Variants in PCM1 observed in about 807,000 individuals in gnomAD.
The protein encoded by PCM1 is pericentriolar material 1.
PCM1 carries 157 observed loss-of-function variants against 241.9 expected under a neutral mutation model. The ratio of observed to expected loss-of-function variants is 0.65; its 90% CI spans 0.57 to 0.74. PCM1 has a LOEUF of 0.74. PCM1 is among the 30% of genes least tolerant of loss of function. PCM1 has a pLI of 0.00. For missense variants in PCM1, 3,478 were observed against 2,360.1 expected (o/e 1.47, Z -9.81); for synonymous variants, 1,085 against 784.9 (o/e 1.38, Z -6.39).
rs780311006 is a variant in PCM1, at chr8:17,939,804, A to G, written c.726A>G (p.Leu242=). Residue 242 remains leucine, a synonymous_variant, in exon 6 of 39, where the codon CTA becomes CTG. Coordinates refer to ENST00000325083, the MANE Select transcript of PCM1 (RefSeq NM_006197.4). The part of the protein sequence containing the change: ...RSANVERLTH[L]IDHLKEQEKS... Reference sequence around the variant, plus strand: ...CTAATGTTGAGCGCCTTACTCATCTAATAGATCACCTTAAAGAACAAGAGA... The same window carrying G: ...CTAATGTTGAGCGCCTTACTCATCTGATAGATCACCTTAAAGAACAAGAGA... 6 of 1,540,560 alleles carry G rather than the reference A, an allele frequency of 3.9e-6. No homozygotes were observed. The highest frequency in any genetic ancestry group is 4.7e-5 in the East Asian group (2 of 42,216).
intron 34 of PCM1, 156 bp from the exon 35 acceptor site, chr8:18,013,808 C>T: frequency 1.7e-6 from 1 of 573,432 alleles, no homozygotes; most frequent in Non-Finnish European, 3.1e-6. Flanking sequence ...CTTGAAATCA[C>T]AACCAAAGCC....
chr8:17,952,252 TAAA>T (rs869261114), intron 8 of PCM1, among the ~76,000 whole-genome samples: 1 of 128,348 alleles, frequency 7.8e-6, no homozygotes, highest in African/African-American at 2.7e-5. Flanking sequence ...AATAAATAAA[TAAA>T]AAATAAAGGA....
intron 26 of PCM1, among the ~76,000 whole-genome samples, chr8:17,988,155 A>G (rs2083245180): frequency 6.6e-6 from 1 of 151,812 alleles, no homozygotes; most frequent in African/African-American, 2.4e-5. Flanking sequence ...AAATGGTAAA[A>G]GCACATCTGT....
In PCM1 at chr8:17,950,651, G is replaced by C. The variant is rs780721662; in HGVS notation, c.998G>C (p.Ser333Thr). 9 of 1,605,858 alleles carry C rather than the reference G, an allele frequency of 5.6e-6. No individual in the cohort carries two copies. The highest frequency in any genetic ancestry group is 7.7e-6 in the Non-Finnish European group (9 of 1,175,204). ...ACTGCAGGTAGCTTATCTGGCGTCA[G>C]TATCACATCTGAACTAAATGAAGAA... ...AETAGSLSGV[S>T]ITSELNEELN... Residue 333 changes from serine (S) to threonine (T), a missense_variant, in exon 8 of 39, where the codon AGT becomes ACT. Coordinates refer to ENST00000325083, the MANE Select transcript of PCM1 (RefSeq NM_006197.4).
chr8:18,006,429 A>T (rs1222912244), intron 30 of PCM1, 32 bp downstream of exon 30: 1 of 1,519,510 alleles, frequency 6.6e-7, no homozygotes, highest in East Asian at 2.3e-5. Context: ...ATTTACCAAT[A>T]TGTACTGTGT....
At chr8:17,949,463 C>T (rs929449754) in intron 7 of PCM1, among the ~76,000 whole-genome samples, 2 of 151,474 alleles carry the variant, frequency 1.3e-5, no homozygotes, top group African/African-American at 2.4e-5. Context: ...TCCTTTAAAA[C>T]AGAAGCAATT....
At chr8:17,998,908 A>G (rs1307845264) in intron 29 of PCM1, among the ~76,000 whole-genome samples, 4 of 152,106 alleles carry the variant, frequency 2.6e-5, no homozygotes, top group Admixed American at 2.0e-4. Flanking sequence ...TCTGCTTTCC[A>G]TAAGCAAAGG....
intron 36 of PCM1, among the ~76,000 whole-genome samples, chr8:18,024,299 T>C (rs1044297455): frequency 2.0e-5 from 3 of 152,142 alleles, no homozygotes; most frequent in Non-Finnish European, 4.4e-5. Context: ...CCAGGAGTTC[T>C]AGACTATGGT....
intron 13 of PCM1, among the ~76,000 whole-genome samples, chr8:17,959,311 ATAAT>A (rs1161637828): frequency 8.3e-6 from 1 of 120,558 alleles, no homozygotes; most frequent in East Asian, 2.4e-4. Flanking sequence ...TAAAATATAA[ATAAT>A]ACTGCATATA....
chr8:17,968,055 C>CAA lies in PCM1; in HGVS notation c.3412+898_3412+899dup, dbSNP rs35339046. Among the ~76,000 whole-genome samples the CAA allele has an allele frequency of 6.4e-3, 718 of 111,988 alleles. 6 individuals are homozygous for CAA. Among genetic ancestry groups the CAA allele is most frequent in the South Asian group, 0.025 (84 of 3,412 alleles). The allele number at this position is 111,988 out of a possible 152,430, so 73.5% of individuals were successfully genotyped here. A position where few individuals can be genotyped will look rare whatever the true frequency, so the allele number is the denominator to read the frequency against. ...AGTGTCAGCAAATCAGTTCCGCCGC[C>CAA]AAAAAAAAAAAAAAGAGTTGATATT... On this transcript the variant is annotated intron_variant, in intron 21 of 38. Coordinates refer to ENST00000325083, the MANE Select transcript of PCM1 (RefSeq NM_006197.4).
chr8:17,998,012 G>T (rs1013593898), intron 29 of PCM1, among the ~76,000 whole-genome samples: 3 of 151,346 alleles, frequency 2.0e-5, no homozygotes, highest in Admixed American at 2.0e-4. Flanking sequence ...CTCTAGCCTG[G>T]GTGACAGAGC....
At chr8:18,020,874 C>G (rs144297598) in intron 36 of PCM1, among the ~76,000 whole-genome samples, 3 of 151,958 alleles carry the variant, frequency 2.0e-5, no homozygotes, top group Non-Finnish European at 1.5e-5. Flanking sequence ...GTAGTGGAAC[C>G]CCCATCAGTA....
intron 7 of PCM1, among the ~76,000 whole-genome samples, chr8:17,949,239 A>T (rs1345683554): frequency 6.6e-6 from 1 of 152,164 alleles, no homozygotes; most frequent in Non-Finnish European, 1.5e-5. Context: ...ATGAAAAGCC[A>T]TGGAAAGCTA....
chr8:17,963,971 C>T (rs1020062563), intron 17 of PCM1, among the ~76,000 whole-genome samples: 1 of 152,114 alleles, frequency 6.6e-6, no homozygotes, highest in Non-Finnish European at 1.5e-5. Context: ...ACTATATCTA[C>T]AATATTTTAT....
intron 17 of PCM1, among the ~76,000 whole-genome samples, chr8:17,964,000 C>T (rs1331509932): frequency 6.6e-6 from 1 of 152,100 alleles, no homozygotes; most frequent in Non-Finnish European, 1.5e-5. Flanking sequence ...GGGTACTACA[C>T]GTCTGTTCTT....
intron 2 of PCM1, chr8:17,934,563 T>G (rs1014195887): frequency 2.0e-5 from 3 of 152,372 alleles, no homozygotes; most frequent in Admixed American, 1.3e-4. Context: ...ACCCAGCCTA[T>G]TAATATTTTT....
Position 17,949,610 on chromosome 8 carries a change from A to G in PCM1, c.962-1005A>G, listed in dbSNP as rs528471779. 2.0e-5 allele frequency among the ~76,000 whole-genome samples: 3 copies of G among 150,372 alleles called. No individual in the cohort carries two copies. In the East Asian group the frequency reaches 5.9e-4, roughly 29 times the overall value. The stretch of plus-strand genomic sequence containing the variant: ...CCTCGCAGGTTCAAGTGATTCTCTC[A>G]CCCCAGCCTCCTGAATAGCTAGGAA... On this transcript the variant is annotated intron_variant, in intron 7 of 38. Transcript: ENST00000325083.
At chr8:17,992,756 G>A (rs1121879) in intron 28 of PCM1, among the ~76,000 whole-genome samples, 90,365 of 151,406 alleles carry the variant, frequency 0.6, 27,587 homozygotes, top group Middle Eastern at 0.66. Flanking sequence ...AGCAGGCATT[G>A]TAGGCATGTG....
chr8:17,928,833 T>G (rs2058039208), intron 2 of PCM1, among the ~76,000 whole-genome samples: 3 of 151,862 alleles, frequency 2.0e-5, no homozygotes, highest in African/African-American at 7.3e-5. Flanking sequence ...GGTTTCGCAG[T>G]TTGGAACAGG....
Sources: gnomAD v4.1 joint callset for allele counts (sites outside exome capture counted in the v4.1 genomes callset) on GRCh38, gnomAD v4.1.1 for gene constraint, MANE v1.5 for transcripts, NCBI Gene and HGNC (gene_info 2026-07-23, HGNC 2026-07-21) for gene names.